RIMS2: variants seen among roughly 807,000 people sequenced by gnomAD.
The protein encoded by RIMS2 is regulating synaptic membrane exocytosis protein 2.
Under a neutral mutation model 174.4 loss-of-function variants are expected in RIMS2, and 59 were observed. The ratio of observed to expected loss-of-function variants is 0.34; its 90% CI spans 0.27 to 0.42. RIMS2 has a LOEUF of 0.42. Among genes scored for constraint, RIMS2 ranks in the 10% least tolerant of loss-of-function variants. RIMS2 has a pLI of 1.00. For synonymous variants in RIMS2, 606 were observed against 572.5 expected (o/e 1.06, Z -0.84); for missense variants, 1,620 against 1,666.3 (o/e 0.97, Z 0.48).
chr8:104,032,519 G>A (rs35865058), intron 19 of RIMS2, among the ~76,000 whole-genome samples: 27,101 of 151,804 alleles, frequency 0.18, 2,756 homozygotes, highest in South Asian at 0.35. Context: ...AACACTAGGC[G>A]TAAATGGATT....
chr8:103,785,636 G>T (rs996053357), intron 3 of RIMS2, among the ~76,000 whole-genome samples: 1 of 152,054 alleles, frequency 6.6e-6, no homozygotes, highest in African/African-American at 2.4e-5. Flanking sequence ...GATCATGGTG[G>T]ATAAGCTTTT....
At chr8:103,886,784 AT>A (rs1333261265) in intron 4 of RIMS2, among the ~76,000 whole-genome samples, 2 of 151,528 alleles carry the variant, frequency 1.3e-5, no homozygotes, top group Non-Finnish European at 1.5e-5. Flanking sequence ...ATCATAAATG[AT>A]TTTTTTCAAG....
intron 19 of RIMS2, among the ~76,000 whole-genome samples, chr8:104,080,676 A>G (rs2154563168): frequency 6.6e-6 from 1 of 152,182 alleles, no homozygotes; most frequent in African/African-American, 2.4e-5. Flanking sequence ...TAGTTCAGCT[A>G]ATTATAATAC....
intron 3 of RIMS2, among the ~76,000 whole-genome samples, chr8:103,784,365 A>T (rs79063062): frequency 6.7e-6 from 1 of 149,940 alleles, no homozygotes; most frequent in Non-Finnish European, 1.5e-5. Context: ...CTGAATGGTA[A>T]TGCCTAGGTT....
chr8:103,755,043 G>C (rs2097964238), intron 2 of RIMS2, among the ~76,000 whole-genome samples: 1 of 152,090 alleles, frequency 6.6e-6, no homozygotes, highest in African/African-American at 2.4e-5. Context: ...TTACAATTTG[G>C]TATGTTTTTG....
chr8:103,524,379 A>G (rs1833014743), intron 1 of RIMS2, among the ~76,000 whole-genome samples: 1 of 152,150 alleles, frequency 6.6e-6, no homozygotes, highest in Non-Finnish European at 1.5e-5. Context: ...GAGGAGATCC[A>G]CGCCACCGAA....
At chr8:103,666,953 A>G (rs1032439004) in intron 1 of RIMS2, among the ~76,000 whole-genome samples, 1 of 152,170 alleles carries the variant, frequency 6.6e-6, no homozygotes, top group Non-Finnish European at 1.5e-5. Context: ...AAACCATTTG[A>G]CATTCTATAG....
At chr8:104,115,758 G>A (rs1396429065) in intron 19 of RIMS2, among the ~76,000 whole-genome samples, 1 of 152,130 alleles carries the variant, frequency 6.6e-6, no homozygotes, top group East Asian at 1.9e-4. Context: ...TGGTAGTGTT[G>A]GGAATGGTGG....
At chr8:103,867,344 CAT>C (rs1304917659) in intron 3 of RIMS2, among the ~76,000 whole-genome samples, 2 of 151,638 alleles carry the variant, frequency 1.3e-5, no homozygotes, top group Non-Finnish European at 3.0e-5. Flanking sequence ...TTGAAATACT[CAT>C]AGAATACAAA....
chr8:103,864,623 G>A (rs1007390131), intron 3 of RIMS2, among the ~76,000 whole-genome samples: 1 of 152,046 alleles, frequency 6.6e-6, no homozygotes, highest in Admixed American at 6.6e-5. Context: ...AAAATAAAAT[G>A]GTTTTCATTA....
intron 1 of RIMS2, among the ~76,000 whole-genome samples, chr8:103,642,826 T>C (rs1354927856): frequency 6.6e-6 from 1 of 152,022 alleles, no homozygotes; most frequent in Non-Finnish European, 1.5e-5. Context: ...TTGCTTTTTT[T>C]CTTTCAAAAT....
At chr8:103,839,299 G>C (rs1216694139) in intron 3 of RIMS2, among the ~76,000 whole-genome samples, 1 of 152,138 alleles carries the variant, frequency 6.6e-6, no homozygotes, top group African/African-American at 2.4e-5. Context: ...GTCTTGCAGG[G>C]TAAACACCTA....
intron 1 of RIMS2, among the ~76,000 whole-genome samples, chr8:103,674,864 AAAGT>A (rs139760216): frequency 0.12 from 18,855 of 152,154 alleles, 1,246 homozygotes; most frequent in Middle Eastern, 0.23. Flanking sequence ...ATGCAACATA[AAAGT>A]AAGATGCCAA....
intron 3 of RIMS2, among the ~76,000 whole-genome samples, chr8:103,830,873 G>A (rs2098821431): frequency 1.3e-5 from 2 of 152,138 alleles, no homozygotes; most frequent in African/African-American, 2.4e-5. Context: ...CAGTAGTGCA[G>A]CCTTGGCTCA....
intron 19 of RIMS2, among the ~76,000 whole-genome samples, chr8:104,123,816 A>C (rs2098405558): frequency 6.6e-6 from 1 of 152,118 alleles, no homozygotes; most frequent in Non-Finnish European, 1.5e-5. Flanking sequence ...AAAATAGGAG[A>C]ATAGTAAAGT....
exon 4 of RIMS2, chr8:103,885,412 A>G (rs929660257): frequency 6.2e-6 from 10 of 1,612,056 alleles, no homozygotes; most frequent in Non-Finnish European, 8.5e-6. Context: ...GATCTCCATC[A>G]GATTATGCTG....
At chr8:104,076,952 G>T (rs2097305694) in intron 19 of RIMS2, among the ~76,000 whole-genome samples, 1 of 151,934 alleles carries the variant, frequency 6.6e-6, no homozygotes, top group South Asian at 2.1e-4. Flanking sequence ...GAGTAACTGG[G>T]ATTACAGGCA....
At chr8:103,772,905 A>T (rs1735963938) in intron 3 of RIMS2, among the ~76,000 whole-genome samples, 1 of 151,750 alleles carries the variant, frequency 6.6e-6, no homozygotes, top group Non-Finnish European at 1.5e-5. Context: ...CATATGCAAA[A>T]AAATTTGAAG....
intron 3 of RIMS2, among the ~76,000 whole-genome samples, chr8:103,843,953 T>G (rs1593612769): frequency 6.6e-6 from 1 of 152,312 alleles, no homozygotes; most frequent in Admixed American, 6.5e-5. Flanking sequence ...AATTGAATTG[T>G]GGAGGCACGT....
Sources: allele counts gnomAD v4.1 joint callset (sites outside exome capture counted in the v4.1 genomes callset), GRCh38; gene constraint gnomAD v4.1.1; transcripts MANE v1.5; gene names NCBI Gene and HGNC (gene_info 2026-07-23, HGNC 2026-07-21).